The following SNAP47 variants were observed in gnomAD, a reference collection of about 807,000 sequenced individuals.
The protein encoded by SNAP47 is synaptosome associated protein 47, also known as synaptosomal-associated protein 47.
A neutral mutation model predicts 31.4 loss-of-function variants in SNAP47; 20 were observed. The ratio of observed to expected loss-of-function variants is 0.64; its 90% CI spans 0.45 to 0.93. SNAP47 has a LOEUF of 0.93. Ranked by LOEUF, SNAP47 falls within the 40% of genes least tolerant of loss-of-function variation. The pLI is 0.00. For missense variants in SNAP47, 492 were observed against 528.5 expected, an observed-to-expected ratio of 0.93 and a Z score of 0.68; for synonymous variants, 194 against 213.4, an observed-to-expected ratio of 0.91 and a Z score of 0.79.
chr1:227,773,587 G>A (rs778957343), intron 4 of SNAP47, among the ~76,000 whole-genome samples: 44 of 152,200 alleles, frequency 2.9e-4, no homozygotes, highest in Non-Finnish European at 4.7e-4. Flanking sequence ...ACCCAGGGCC[G>A]CGTCCAGTCC....
chr1:227,746,695 C>A (rs1661984832), intron 1 of SNAP47: 1 of 152,250 alleles, frequency 6.6e-6, no homozygotes, highest in Admixed American at 6.5e-5. Context: ...AAAGCCCACA[C>A]TTTTTGATGT....
In SNAP47 at chr1:227,781,111, C is replaced by T. The variant is rs943850632; in HGVS notation, c.*438C>T. The T allele has an allele frequency of 1.3e-5, 2 of 159,740 alleles. No individual in the cohort carries two copies. The highest frequency in any genetic ancestry group is 2.0e-4 in the South Asian group (1 of 4,968). 9.9% of individuals were successfully genotyped at this position (159,740 alleles called of 1,614,324 possible). ...TATAAACACCCAACTGTTCTTTTAT[C>T]GTCTCGGTTTTAGCCAAAAGTGAAA... On this transcript the variant is annotated 3_prime_UTR_variant, in exon 5 of 5. Coordinates refer to ENST00000617596, the MANE Select transcript of SNAP47 (RefSeq NM_053052.4).
intron 1 of SNAP47, chr1:227,735,701 G>C: frequency 1.0e-6 from 1 of 984,608 alleles, no homozygotes; most frequent in Non-Finnish European, 1.2e-6. Flanking sequence ...GTGCGGGGGC[G>C]CCCAGGGATG....
chr1:227,754,243 T>G (rs550570350), intron 2 of SNAP47, among the ~76,000 whole-genome samples: 7 of 152,238 alleles, frequency 4.6e-5, no homozygotes, highest in Non-Finnish European at 1.0e-4. Context: ...TGCTGGTGCC[T>G]GTGTGCATTC....
chr1:227,772,004 C>T (rs1185929254), intron 4 of SNAP47, among the ~76,000 whole-genome samples: 3 of 152,098 alleles, frequency 2.0e-5, no homozygotes, highest in South Asian at 2.1e-4. Flanking sequence ...AAGCAGAGAC[C>T]GAGTGCTTGA....
chr1:227,750,438 C>T (rs561657643), intron 2 of SNAP47, among the ~76,000 whole-genome samples: 2 of 152,378 alleles, frequency 1.3e-5, no homozygotes, highest in South Asian at 2.1e-4. Context: ...ATCACAGACA[C>T]GTGCAGAGTA....
intron 3 of SNAP47, among the ~76,000 whole-genome samples, chr1:227,766,114 G>A (rs113409612): frequency 0.019 from 2,824 of 152,232 alleles, 92 homozygotes; most frequent in African/African-American, 0.063. Context: ...AGGAGGGTAC[G>A]GGCTCTGCTG....
chr1:227,747,348 T>A (rs2102915933), intron 1 of SNAP47, among the ~76,000 whole-genome samples: 1 of 152,272 alleles, frequency 6.6e-6, no homozygotes, highest in South Asian at 2.1e-4. Flanking sequence ...TCCTCAAGTC[T>A]CGTCCAGCAG....
At chr1:227,759,929 G>A (rs1330177715) in intron 3 of SNAP47, among the ~76,000 whole-genome samples, 1 of 152,212 alleles carries the variant, frequency 6.6e-6, no homozygotes, top group Non-Finnish European at 1.5e-5. Context: ...TAGTTCCCAA[G>A]AGTGGGTTGT....
At position 227,741,508 on chromosome 1, in the gene SNAP47, A is replaced by G. The variant is rs1380903840; in HGVS notation, c.-46+6009A>G. Among the ~76,000 whole-genome samples, 1 of 152,122 alleles carries G rather than the reference A, an allele frequency of 6.6e-6. No individual in the cohort carries two copies. Among genetic ancestry groups the G allele is most frequent in the African/African-American group, 2.4e-5 (1 of 41,402 alleles). ...CCATGTTGATGTCTTGTGTGTGGCC[A>G]CTTTCATTCCACCCCAGCAGAGCTG... On this transcript the variant is annotated intron_variant, in intron 1 of 4. Coordinates refer to ENST00000617596, the MANE Select transcript of SNAP47 (RefSeq NM_053052.4). The surrounding 1 kb of genome is among the most constrained non-coding windows in gnomAD (Gnocchi z 4.2).
chr1:227,731,326 C>G (rs1189847434), upstream of SNAP47: 1 of 152,358 alleles, frequency 6.6e-6, no homozygotes, highest in Non-Finnish European at 1.5e-5. Context: ...CCATCCTAGA[C>G]AAGTGCCAGC....
chr1:227,735,532 G>C, intron 1 of SNAP47, 33 bp downstream of exon 1: 1 of 1,364,692 alleles, frequency 7.3e-7, no homozygotes, highest in East Asian at 3.0e-5. Context: ...TGGGCGCCCG[G>C]CCCAAGCCAA....
intron 2 of SNAP47, among the ~76,000 whole-genome samples, chr1:227,751,820 G>C (rs1295319765): frequency 7.6e-6 from 1 of 132,268 alleles, no homozygotes; most frequent in Non-Finnish European, 1.5e-5. Flanking sequence ...CTGGAGTGCA[G>C]TGGCGCGATC....
At position 227,740,630 on chromosome 1, in the gene SNAP47, C is replaced by T. The variant is rs370345704; in HGVS notation, c.-46+5131C>T. On this transcript the variant is annotated intron_variant, in intron 1 of 4. Coordinates refer to ENST00000617596, the MANE Select transcript of SNAP47 (RefSeq NM_053052.4). ...TGAGTGAGTCCCTGTGACTACAACA[C>T]CTTCCCCCAAGTGTGTTGCTTGTGC... Among the ~76,000 whole-genome samples, 5 of 152,206 alleles carry T rather than the reference C, an allele frequency of 3.3e-5. No homozygotes were observed. The East Asian group carries it at 7.7e-4, about 23-fold the overall frequency.
chr1:227,732,103 CGTCCTGGCCTAA>C, upstream of SNAP47: 2 of 517,104 alleles, frequency 3.9e-6, no homozygotes. Context: ...TCAGCTCAGG[CGTCCTGGCCTAA>C]GGAGGCAGGG....
rs753410063 is a variant in SNAP47, at chr1:227,747,796, G to A, written c.60G>A (p.Arg20=). The part of the protein sequence containing the change: ...WPCTYYLEPK[R]RWVTGQLSLT... Reference sequence around the variant, plus strand: ...GCACCTACTACCTGGAGCCCAAGAGGCGATGGGTTACTGGACAGCTGTCCT... The same window carrying A: ...GCACCTACTACCTGGAGCCCAAGAGACGATGGGTTACTGGACAGCTGTCCT... The change falls in exon 2 of 5, where the codon AGG becomes AGA. Residue 20 remains arginine (R), a synonymous_variant. Transcript: ENST00000617596. 5.6e-6 allele frequency: 9 copies of A among 1,614,054 alleles called. No homozygotes were observed. The highest frequency in any genetic ancestry group is 1.7e-5 in the Admixed American group (1 of 60,002).
Position 227,762,651 on chromosome 1 carries a change from C to T in SNAP47, c.988+3166C>T, listed in dbSNP as rs113569020. ...TGGGCGCTTGTCAGGGAGGGACACCCGGGGCGGGGAGCCTTTCCAGAGACC... is the reference window on the plus strand; with the variant it reads ...TGGGCGCTTGTCAGGGAGGGACACCTGGGGCGGGGAGCCTTTCCAGAGACC... On this transcript the variant is annotated intron_variant, in intron 3 of 4. Coordinates refer to ENST00000617596, the MANE Select transcript of SNAP47 (RefSeq NM_053052.4). This position sits in a 1 kb window ranked among gnomAD's most constrained non-coding sequence, Gnocchi z 4.2. 8.1e-3 allele frequency among the ~76,000 whole-genome samples: 1,237 copies of T among 152,280 alleles called. 20 individuals carry two copies. The highest frequency in any genetic ancestry group is 0.028 in the African/African-American group (1,174 of 41,550).
At chr1:227,754,404 G>A (rs1662567290) in intron 2 of SNAP47, among the ~76,000 whole-genome samples, 1 of 152,160 alleles carries the variant, frequency 6.6e-6, no homozygotes, top group Non-Finnish European at 1.5e-5. Flanking sequence ...AGTGCATTTG[G>A]GCAGGAAAAC....
rs1386955841 is a variant in SNAP47, at chr1:227,741,416, C to T, written c.-46+5917C>T. 6.6e-6 allele frequency among the ~76,000 whole-genome samples: 1 copy of T among 152,078 alleles called. No homozygotes were observed. Among genetic ancestry groups the T allele is most frequent in the Admixed American group, 6.5e-5 (1 of 15,278 alleles). The stretch of plus-strand genomic sequence containing the variant: ...AGGGTGCAGTGACTCTCAGCAAGGC[C>T]CCTTGGCTCATGGGCCAGGTCCAGC... On this transcript the variant is annotated intron_variant, in intron 1 of 4. Coordinates refer to ENST00000617596, the MANE Select transcript of SNAP47 (RefSeq NM_053052.4). The surrounding 1 kb of genome is among the most constrained non-coding windows in gnomAD (Gnocchi z 4.2).
Sources: gnomAD v4.1 joint callset for allele counts (sites outside exome capture counted in the v4.1 genomes callset) on GRCh38, gnomAD v4.1.1 for gene constraint, Gnocchi (gnomAD v3.1) non-coding constraint, MANE v1.5 for transcripts, NCBI Gene and HGNC (gene_info 2026-07-23, HGNC 2026-07-21) for gene names.